Variants in MYO5C observed in about 807,000 individuals in gnomAD.
The protein encoded by MYO5C is unconventional myosin-Vc.
In MYO5C, 194 loss-of-function variants were observed where a neutral mutation model predicts 235.7. The ratio of observed to expected loss-of-function variants is 0.82; its 90% confidence interval spans 0.73 to 0.93. The LOEUF is 0.93. MYO5C is among the 40% of genes least tolerant of loss of function. The pLI, the probability that MYO5C is intolerant of heterozygous loss-of-function variation, is 0.00. For missense variants in MYO5C, 2,038 were observed against 2,127.2 expected (o/e 0.96, Z 0.82); for synonymous variants, 707 against 754.8 (o/e 0.94, Z 1.04).
In MYO5C at chr15:52,244,642, T is replaced by G; in HGVS notation, c.2179-75A>C. ...ATAATACAGTATTTGGAAAAGAGCT[T>G]TAGGGATTCAAAGGTGCCAGAAATA... On this transcript the variant is annotated intron_variant, in intron 18 of 40. Coordinates refer to ENST00000261839, the MANE Select transcript of MYO5C (RefSeq NM_018728.4). The G allele has an allele frequency of 5.6e-6, 6 of 1,075,358 alleles. No homozygotes were observed. The South Asian group carries it at 7.9e-5, about 14-fold the overall frequency. The allele number at this position is 1,075,358 out of a possible 1,614,324, so 66.6% of individuals were successfully genotyped here.
chr15:52,227,432 C>T (rs951426911), intron 25 of MYO5C, among the ~76,000 whole-genome samples: 5 of 150,974 alleles, frequency 3.3e-5, no homozygotes, highest in African/African-American at 9.8e-5. Context: ...CTCCTGACCT[C>T]GTGATCCGCC....
intron 38 of MYO5C, 38 bp downstream of exon 38, chr15:52,204,827 C>G (rs1214002038): frequency 6.3e-7 from 1 of 1,599,948 alleles, no homozygotes. Context: ...ATCCTTTCTG[C>G]AGGCCTCTCC....
intron 14 of MYO5C, 39 bp from the exon 15 acceptor site, chr15:52,247,631 C>T (rs775587607): frequency 6.2e-7 from 1 of 1,609,606 alleles, no homozygotes; most frequent in Admixed American, 1.7e-5. Flanking sequence ...CCAAAAGCAA[C>T]TGCCCACAGT....
At chr15:52,277,320 G>A (rs2037074760) in intron 4 of MYO5C, 8 of 496,250 alleles carry the variant, frequency 1.6e-5, no homozygotes, top group South Asian at 1.2e-4. Flanking sequence ...CAGCCCTACA[G>A]TGCCAAAGAG....
chr15:52,253,622 C>T (rs764469881), intron 11 of MYO5C, among the ~76,000 whole-genome samples, 165 bp from the exon 12 acceptor site: 4 of 152,230 alleles, frequency 2.6e-5, no homozygotes, highest in Non-Finnish European at 5.9e-5. Context: ...ATCAATACCG[C>T]CGAGTTCCTA....
intron 8 of MYO5C, among the ~76,000 whole-genome samples, chr15:52,264,752 G>C (rs1002161746): frequency 1.3e-5 from 2 of 152,186 alleles, no homozygotes; most frequent in African/African-American, 4.8e-5. Flanking sequence ...AAACCAAGGC[G>C]ATGGCCTTTC....
intron 3 of MYO5C, 150 bp from the exon 4 acceptor site, chr15:52,279,167 C>A (rs759380196): frequency 8.5e-6 from 7 of 822,516 alleles, no homozygotes; most frequent in Non-Finnish European, 9.4e-6. Flanking sequence ...TAATTCCCTG[C>A]CAGTCACCTA....
At chr15:52,219,867 C>T (rs1261456146) in intron 30 of MYO5C, 45 bp from the exon 31 acceptor site, 1 of 1,448,636 alleles carries the variant, frequency 6.9e-7, no homozygotes, top group Admixed American at 1.7e-5. Context: ...GCACATATCA[C>T]TGCATTCTGA....
chr15:52,250,521 G>T (rs1051174168), intron 13 of MYO5C, among the ~76,000 whole-genome samples: 17 of 152,178 alleles, frequency 1.1e-4, no homozygotes, highest in African/African-American at 4.1e-4. Context: ...TGGGATTACA[G>T]GTGTGAGCCA....
chr15:52,218,657 G>A lies in MYO5C; in HGVS notation c.3816C>T (p.Thr1272=), dbSNP rs545758999. ...TATCAATCAGCTTCTCCTTCTCTTT[G>A]GTATGTATTTCATTTTGGGCTTCCA... The part of the protein sequence containing the change: ...KALEAQNEIH[T]KEKEKLIDKI... Residue 1272 remains threonine (T), a synonymous_variant, in exon 32 of 41, where the codon ACC becomes ACT. Transcript: ENST00000261839. 6.2e-7 allele frequency: 1 copy of A among 1,614,044 alleles called. No individual in the cohort carries two copies. Among genetic ancestry groups the A allele is most frequent in the South Asian group, 1.1e-5 (1 of 91,058 alleles).
chr15:52,262,298 C>T (rs2036715470), intron 9 of MYO5C, among the ~76,000 whole-genome samples: 1 of 152,194 alleles, frequency 6.6e-6, no homozygotes, highest in Non-Finnish European at 1.5e-5. Flanking sequence ...TACAAATATT[C>T]TTAGAAGCCT....
chr15:52,257,872 T>A (rs1402580678), intron 10 of MYO5C, among the ~76,000 whole-genome samples: 2 of 152,224 alleles, frequency 1.3e-5, no homozygotes, highest in Admixed American at 1.3e-4. Context: ...CTGAGCTGGT[T>A]TGGCTCAATC....
chr15:52,294,599 G>C (rs952330034), intron 1 of MYO5C, among the ~76,000 whole-genome samples: 1 of 152,190 alleles, frequency 6.6e-6, no homozygotes, highest in African/African-American at 2.4e-5. Flanking sequence ...CGGGGAAATG[G>C]ATGGATTCTA....
chr15:52,283,679 ATTT>A (rs201521927), intron 1 of MYO5C, among the ~76,000 whole-genome samples: 1 of 146,092 alleles, frequency 6.8e-6, no homozygotes, highest in Non-Finnish European at 1.5e-5. Context: ...ACCCAATAGG[ATTT>A]TTTTTTTTTT....
intron 36 of MYO5C, among the ~76,000 whole-genome samples, chr15:52,207,414 T>C (rs1007677042): frequency 6.6e-6 from 1 of 152,224 alleles, no homozygotes; most frequent in Admixed American, 6.5e-5. Context: ...GAGGTTGGAT[T>C]TTCTTTACTT....
In MYO5C at chr15:52,271,778, T is replaced by A. The variant is rs1357692771; in HGVS notation, c.817A>T (p.Lys273Ter). The change falls in exon 7 of 41, where the codon AAA becomes TAA. Residue 273 changes from lysine to a stop codon, truncating the protein, a stop_gained. Coordinates refer to ENST00000261839, the MANE Select transcript of MYO5C (RefSeq NM_018728.4). LOFTEE classifies it high-confidence loss of function. Reference sequence around the variant, plus strand: ...CATCACATACCCAATTTAAGATGTTTAAATTCCGACTGCTGTGCAGATGCA... The same window carrying A: ...CATCACATACCCAATTTAAGATGTTAAAATTCCGACTGCTGTGCAGATGCA... ...LCASAQQSEFKHLKLGSAEEF... is the reference protein window; with the variant it reads ...LCASAQQSEF 11 of 1,562,284 alleles carry A rather than the reference T, an allele frequency of 7.0e-6. No homozygotes were observed. The highest frequency in any genetic ancestry group is 9.6e-6 in the Non-Finnish European group (11 of 1,144,948).
intron 1 of MYO5C, among the ~76,000 whole-genome samples, chr15:52,284,244 T>G (rs1192069610): frequency 6.7e-6 from 1 of 149,824 alleles, no homozygotes; most frequent in African/African-American, 2.4e-5. Flanking sequence ...ACCCATACAA[T>G]GAAATACAAC....
At chr15:52,258,011 ATGG>A (rs2036618265) in intron 10 of MYO5C, among the ~76,000 whole-genome samples, 1 of 152,210 alleles carries the variant, frequency 6.6e-6, no homozygotes, top group East Asian at 1.9e-4. Context: ...TGGTCTGCTC[ATGG>A]AAGCAAGGCC....
rs2035782504 is a variant in MYO5C, at chr15:52,224,831, C to G, written c.3446+70G>C. The G allele has an allele frequency of 2.3e-6, 3 of 1,307,918 alleles. No homozygotes were observed. In the Admixed American group the frequency reaches 6.0e-5, roughly 26 times the overall value. The allele number at this position is 1,307,918 out of a possible 1,614,324, so 81.0% of individuals were successfully genotyped here. ...TGTGTATCAATCTATGTAAGGTAAACTTTGGACTTTCCAATAGTCTATTTA... is the reference window on the plus strand; with the variant it reads ...TGTGTATCAATCTATGTAAGGTAAAGTTTGGACTTTCCAATAGTCTATTTA... On this transcript the variant is annotated intron_variant, in intron 28 of 40. Transcript: ENST00000261839.
Sources: allele counts gnomAD v4.1 joint callset (sites outside exome capture counted in the v4.1 genomes callset), GRCh38; gene constraint gnomAD v4.1.1; transcripts MANE v1.5; gene names NCBI Gene and HGNC (gene_info 2026-07-23, HGNC 2026-07-21).